Variants in LRRC7 observed in about 807,000 individuals in gnomAD.
LRRC7 encodes the protein leucine rich repeat containing 7, also known as leucine-rich repeat-containing protein 7.
LRRC7 carries 23 observed loss-of-function variants against 175.7 expected under a neutral mutation model. The ratio of observed to expected loss-of-function variants is 0.13; its 90% confidence interval spans 0.09 to 0.19. The LOEUF (loss-of-function observed/expected upper bound fraction) is 0.19. LRRC7 is among the 10% of genes least tolerant of loss of function. The pLI is 1.00. For synonymous variants in LRRC7, 685 were observed against 680.9 expected (o/e 1.01, Z -0.09); for missense variants, 1,354 against 1,904.7 (o/e 0.71, Z 5.38).
chr1:69,585,990 A>G (rs1448903795), intron 1 of LRRC7, among the ~76,000 whole-genome samples: 6 of 152,316 alleles, frequency 3.9e-5, no homozygotes, highest in African/African-American at 1.4e-4. Flanking sequence ...CTTAAAATGA[A>G]GAGACTATAA....
intron 8 of LRRC7, among the ~76,000 whole-genome samples, chr1:69,934,781 C>G (rs529099466): frequency 1.9e-3 from 290 of 152,068 alleles, no homozygotes; most frequent in Middle Eastern, 3.4e-3. Context: ...TAACATTAAC[C>G]CTTAGGATCA....
chr1:69,686,132 C>T (rs572740266), intron 2 of LRRC7, among the ~76,000 whole-genome samples: 15 of 152,232 alleles, frequency 9.9e-5, no homozygotes, highest in Non-Finnish European at 2.1e-4. Flanking sequence ...GAATTGTCAA[C>T]TCTGAATCCT....
chr1:69,919,410 C>T, intron 7 of LRRC7: 1 of 763,348 alleles, frequency 1.3e-6, no homozygotes, highest in Non-Finnish European at 2.2e-6. Context: ...TGAGCCGCCC[C>T]TCAGGCCGAG....
At chr1:69,972,529 A>T (rs1652345423) in intron 8 of LRRC7, among the ~76,000 whole-genome samples, 1 of 152,242 alleles carries the variant, frequency 6.6e-6, no homozygotes. Context: ...GCTCAACATC[A>T]CTAGTGATCA....
chr1:70,061,196 C>G (rs546019361), intron 23 of LRRC7, among the ~76,000 whole-genome samples: 2 of 152,254 alleles, frequency 1.3e-5, no homozygotes, highest in Admixed American at 1.3e-4. Flanking sequence ...TTTCACTGAT[C>G]AGAGTTAATG....
chr1:69,900,546 TTA>T lies in LRRC7; in HGVS notation c.648-30959_648-30958del, dbSNP rs551095224. 3.9e-5 allele frequency among the ~76,000 whole-genome samples: 6 copies of T among 152,316 alleles called. No individual in the cohort carries two copies. In the South Asian group the frequency reaches 8.3e-4, roughly 21 times the overall value. ...TTTTCTTATTTTTGATCTATAAAAA[TTA>T]TGAGTTTTATTGTAGCATACAATAT... On this transcript the variant is annotated intron_variant, in intron 7 of 26. Transcript: ENST00000651989.
intron 2 of LRRC7, among the ~76,000 whole-genome samples, chr1:69,759,535 T>C (rs1670805210): frequency 6.6e-6 from 1 of 151,978 alleles, no homozygotes; most frequent in South Asian, 2.1e-4. Flanking sequence ...TATTACAAGG[T>C]TCGTAAAGAT....
At chr1:69,776,279 C>T (rs1315577595) in intron 3 of LRRC7, among the ~76,000 whole-genome samples, 1 of 152,018 alleles carries the variant, frequency 6.6e-6, no homozygotes, top group African/African-American at 2.4e-5. Context: ...AGTATGGTGT[C>T]TGCAAAACAT....
At position 70,134,073 on chromosome 1, in the gene LRRC7, C is replaced by T. The variant is rs992746064; in HGVS notation, c.*12186C>T. ...GCAATAACTAGGCATCTACAATAAA[C>T]GCCTAATTTTTCATTTTATTTATGT... On this transcript the variant is annotated 3_prime_UTR_variant, in exon 27 of 27. Transcript: ENST00000651989. Among the ~76,000 whole-genome samples, 13 of 152,256 alleles carry T rather than the reference C, an allele frequency of 8.5e-5. No homozygotes were observed. The highest frequency in any genetic ancestry group is 3.9e-4 in the Admixed American group (6 of 15,290).
At chr1:69,984,132 G>A (rs1217709400) in intron 9 of LRRC7, among the ~76,000 whole-genome samples, 1 of 151,960 alleles carries the variant, frequency 6.6e-6, no homozygotes, top group Non-Finnish European at 1.5e-5. Context: ...CACCATGTTG[G>A]TCAGGCTGGT....
chr1:69,931,241 GTA>G (rs1366050010), intron 7 of LRRC7, among the ~76,000 whole-genome samples: 4 of 152,276 alleles, frequency 2.6e-5, no homozygotes, highest in East Asian at 1.9e-4. Context: ...TCCCACTGGT[GTA>G]GATATTTAAT....
In LRRC7 at chr1:70,089,683, C is replaced by A. The variant is rs1465125734; in HGVS notation, c.4453-44C>A. 12 of 1,281,798 alleles carry A rather than the reference C, an allele frequency of 9.4e-6. No individual in the cohort carries two copies. The African/African-American group carries it at 1.5e-4, about 16-fold the overall frequency. The allele number at this position is 1,281,798 out of a possible 1,614,324, so 79.4% of individuals were successfully genotyped here. A position where few individuals can be genotyped will look rare whatever the true frequency, so the allele number is the denominator to read the frequency against. ...AATACAGTTATTTGAAAATATTTAG[C>A]TTTGATAACTGTTTACTTACCATTT... On this transcript the variant is annotated intron_variant, in intron 24 of 26. Coordinates refer to ENST00000651989, the MANE Select transcript of LRRC7 (RefSeq NM_001370785.2).
intron 8 of LRRC7, among the ~76,000 whole-genome samples, chr1:69,949,327 T>A (rs919661649): frequency 6.6e-6 from 1 of 152,030 alleles, no homozygotes; most frequent in Non-Finnish European, 1.5e-5. Context: ...ATCCCAACAC[T>A]TTAGGAGGCC....
chr1:70,042,645 T>C (rs987780253), intron 21 of LRRC7, among the ~76,000 whole-genome samples: 1 of 152,188 alleles, frequency 6.6e-6, no homozygotes, highest in Non-Finnish European at 1.5e-5. Flanking sequence ...CATGAACCCA[T>C]ATGTCTGAGA....
chr1:69,791,895 G>T, intron 3 of LRRC7, 148 bp from the exon 4 acceptor site: 1 of 518,712 alleles, frequency 1.9e-6, no homozygotes, highest in East Asian at 3.2e-5. Flanking sequence ...AGAAACAATT[G>T]AGAAGATGAG....
intron 7 of LRRC7, among the ~76,000 whole-genome samples, chr1:69,907,122 C>G (rs1236035184): frequency 6.6e-6 from 1 of 152,116 alleles, no homozygotes; most frequent in African/African-American, 2.4e-5. Context: ...TATCCTGAGA[C>G]TTTGCTGAAG....
intron 7 of LRRC7, among the ~76,000 whole-genome samples, chr1:69,889,973 A>T (rs1053024706): frequency 6.6e-6 from 1 of 152,188 alleles, no homozygotes; most frequent in East Asian, 1.9e-4. Context: ...CTAATTTTAG[A>T]TCTCTTTCTA....
At chr1:69,919,427 A>C in intron 7 of LRRC7, 1 of 906,992 alleles carries the variant, frequency 1.1e-6, no homozygotes, top group Admixed American at 2.1e-5. Flanking sequence ...CGAGGGTACT[A>C]CTTCAACCAC....
chr1:70,066,017 C>T (rs1661946390), intron 23 of LRRC7, among the ~76,000 whole-genome samples: 3 of 151,968 alleles, frequency 2.0e-5, no homozygotes, highest in South Asian at 4.1e-4. Context: ...CAGACTGTTG[C>T]TGACTGGTTG....
Sources: allele counts gnomAD v4.1 joint callset (sites outside exome capture counted in the v4.1 genomes callset), GRCh38; gene constraint gnomAD v4.1.1; transcripts MANE v1.5; gene names NCBI Gene and HGNC (gene_info 2026-07-23, HGNC 2026-07-21).